The following ADAMTS2 variants were observed in gnomAD, a reference collection of about 807,000 sequenced individuals.
The protein encoded by ADAMTS2 is A disintegrin and metalloproteinase with thrombospondin motifs 2.
In ADAMTS2, 50 loss-of-function variants were observed where a neutral mutation model predicts 123.0. That is an observed-to-expected ratio of 0.41 (90% CI 0.32 to 0.51). The LOEUF is 0.51. Ranked by LOEUF, ADAMTS2 falls within the 20% of genes least tolerant of loss-of-function variation. The pLI is 0.35. For missense variants in ADAMTS2, 1,494 were observed against 1,705.2 expected, an observed-to-expected ratio of 0.88 and a Z score of 2.18; for synonymous variants, 678 against 695.4, an observed-to-expected ratio of 0.98 and a Z score of 0.39.
intron 12 of ADAMTS2, 62 bp downstream of exon 12, chr5:179,137,707 C>CCCCCA: frequency 6.7e-7 from 1 of 1,495,744 alleles, no homozygotes. Flanking sequence ...CACAAGCCCC[C>CCCCCA]ACCCTGCCCA....
intron 3 of ADAMTS2, among the ~76,000 whole-genome samples, chr5:179,208,117 T>TGCCTGACG (rs1239957024): frequency 6.7e-6 from 1 of 149,890 alleles, no homozygotes; most frequent in Non-Finnish European, 1.5e-5. Flanking sequence ...CAGCCCGCAC[T>TGCCTGACG]GCCTGACGCT....
intron 2 of ADAMTS2, among the ~76,000 whole-genome samples, chr5:179,327,980 A>C (rs1162403949): frequency 6.6e-6 from 1 of 152,240 alleles, no homozygotes; most frequent in Non-Finnish European, 1.5e-5. Flanking sequence ...AGAAACTCAT[A>C]TATCTGGGAA....
intron 4 of ADAMTS2, among the ~76,000 whole-genome samples, chr5:179,195,529 G>A (rs1224190684): frequency 3.3e-5 from 5 of 152,220 alleles, no homozygotes; most frequent in East Asian, 1.9e-4. Flanking sequence ...ATGGAAGAGC[G>A]AGCTGGCAGC....
At chr5:179,171,101 GT>G (rs2113292144) in intron 5 of ADAMTS2, among the ~76,000 whole-genome samples, 1 of 152,294 alleles carries the variant, frequency 6.6e-6, no homozygotes, top group Admixed American at 6.5e-5. Context: ...GGATACCTCG[GT>G]TTTTGTCACA....
chr5:179,246,618 C>T (rs1002293524), intron 3 of ADAMTS2, among the ~76,000 whole-genome samples: 1 of 152,158 alleles, frequency 6.6e-6, no homozygotes, highest in African/African-American at 2.4e-5. Context: ...AAGTTTTCAC[C>T]TCTGGCTGAC....
In ADAMTS2 at chr5:179,212,695, G is replaced by A. The variant is rs879121696; in HGVS notation, c.689-4980C>T. 1.4e-3 allele frequency among the ~76,000 whole-genome samples: 160 copies of A among 110,542 alleles called. 3 individuals are homozygous for A. The highest frequency in any genetic ancestry group is 5.1e-3 in the African/African-American group (147 of 28,934). 72.5% of individuals were successfully genotyped at this position (110,542 alleles called of 152,430 possible). A position where few individuals can be genotyped will look rare whatever the true frequency, so the allele number is the denominator to read the frequency against. ...GTGGGCAGGTGTGGGCCCTGAGGGC[G>A]GGTGCAGTGGGCAGGTGTGGGCCCT... On this transcript the variant is annotated intron_variant, in intron 3 of 21. Transcript: ENST00000251582.
In ADAMTS2 at chr5:179,130,330, C is replaced by A. The variant is rs180926117; in HGVS notation, c.2291-232G>T. On this transcript the variant is annotated intron_variant, in intron 15 of 21. Transcript: ENST00000251582. This position sits in a 1 kb window ranked among gnomAD's most constrained non-coding sequence, Gnocchi z 4.3. ...CCTCCACTCGCATCCTCTGCCCCCA[C>A]CAGCCCTGGAGGTGCCGGCTCCCCT... 5.3e-5 allele frequency among the ~76,000 whole-genome samples: 8 copies of A among 152,318 alleles called. No homozygotes were observed. The highest frequency in any genetic ancestry group is 1.7e-4 in the African/African-American group (7 of 41,588).
rs561802029 is a variant in ADAMTS2 at position 179,122,924 on chromosome 5, C to G, written c.2959-151G>C. On this transcript the variant is annotated intron_variant, in intron 19 of 21. Coordinates refer to ENST00000251582, the MANE Select transcript of ADAMTS2 (RefSeq NM_014244.5). ...GAGAGTGGGGTTTCAGGTTGCCTTG[C>G]CCCACCCTCGGGGGCAGCCCCAATC... is the stretch of plus-strand genomic sequence containing the variant. 54 of 1,222,926 alleles carry G rather than the reference C, an allele frequency of 4.4e-5. 1 individual carries two copies. The South Asian group carries it at 5.7e-4, about 13-fold the overall frequency. 75.8% of individuals were successfully genotyped at this position (1,222,926 alleles called of 1,614,324 possible). A position where few individuals can be genotyped will look rare whatever the true frequency, so the allele number is the denominator to read the frequency against.
At chr5:179,333,598 T>TTTTA (rs1330186250) in intron 2 of ADAMTS2, among the ~76,000 whole-genome samples, 2 of 107,804 alleles carry the variant, frequency 1.9e-5, no homozygotes, top group Non-Finnish European at 4.1e-5. Flanking sequence ...TTTTTTCTGT[T>TTTTA]TTTTTTTTTT....
chr5:179,135,179 C>T (rs573889205), intron 13 of ADAMTS2, among the ~76,000 whole-genome samples: 6 of 152,046 alleles, frequency 3.9e-5, no homozygotes, highest in African/African-American at 1.2e-4. Context: ...CTCCAGCTCC[C>T]GGCTCCAGCC....
chr5:179,252,509 CTAT>C (rs1198129370), intron 3 of ADAMTS2, among the ~76,000 whole-genome samples: 1 of 152,094 alleles, frequency 6.6e-6, no homozygotes, highest in Non-Finnish European at 1.5e-5. Flanking sequence ...TGAAGTTCCA[CTAT>C]TATTTCTTCT....
At chr5:179,328,243 A>T (rs1757365920) in intron 2 of ADAMTS2, among the ~76,000 whole-genome samples, 1 of 152,244 alleles carries the variant, frequency 6.6e-6, no homozygotes, top group Non-Finnish European at 1.5e-5. Flanking sequence ...CGTGTTAGCC[A>T]GGATGGTCTC....
chr5:179,157,996 G>A (rs926506903), intron 6 of ADAMTS2, among the ~76,000 whole-genome samples: 2 of 150,836 alleles, frequency 1.3e-5, no homozygotes, highest in Non-Finnish European at 2.9e-5. Context: ...ACAGAGTCTC[G>A]CACTGTCTCC....
In ADAMTS2 at chr5:179,215,567, T is replaced by C. The variant is rs139654724; in HGVS notation, c.689-7852A>G. ...GATTTGGCTCCTTTCTAGAATCCCATTAAAAGTTCAGTAAAGAAATTTAAA... is the reference window on the plus strand; with the variant it reads ...GATTTGGCTCCTTTCTAGAATCCCACTAAAAGTTCAGTAAAGAAATTTAAA... On this transcript the variant is annotated intron_variant, in intron 3 of 21. Coordinates refer to ENST00000251582, the MANE Select transcript of ADAMTS2 (RefSeq NM_014244.5). Among the ~76,000 whole-genome samples, 21 of 152,162 alleles carry C rather than the reference T, an allele frequency of 1.4e-4. No homozygotes were observed. The South Asian group carries it at 2.7e-3, about 20-fold the overall frequency.
At chr5:179,264,613 AT>A (rs1353114930) in intron 3 of ADAMTS2, among the ~76,000 whole-genome samples, 2 of 152,348 alleles carry the variant, frequency 1.3e-5, no homozygotes, top group East Asian at 3.9e-4. Flanking sequence ...TTTGGAGGAC[AT>A]TCCCAACACA....
Position 179,127,941 on chromosome 5 carries a change from G to C in ADAMTS2, c.2617+18C>G. ...CACCCTCATGTCACCCAGGTCCCCA[G>C]CTTCGAGACCCCCTCACCTCCGCCA... On this transcript the variant is annotated intron_variant, in intron 17 of 21. Transcript: ENST00000251582. The C allele has an allele frequency of 6.2e-7, 1 of 1,613,058 alleles. No individual in the cohort carries two copies. The highest frequency in any genetic ancestry group is 1.1e-5 in the South Asian group (1 of 91,062).
intron 4 of ADAMTS2, among the ~76,000 whole-genome samples, chr5:179,187,750 A>C (rs895367976): frequency 6.6e-6 from 1 of 152,182 alleles, no homozygotes; most frequent in Non-Finnish European, 1.5e-5. Context: ...TGATCCTGGA[A>C]TCTTTAAACC....
At chr5:179,184,234 C>A (rs1419696793) in intron 4 of ADAMTS2, among the ~76,000 whole-genome samples, 1 of 152,102 alleles carries the variant, frequency 6.6e-6, no homozygotes, top group Non-Finnish European at 1.5e-5. Context: ...AAGCCCTGGC[C>A]AGGCGCAGTG....
At chr5:179,321,592 C>T (rs1174606705) in intron 2 of ADAMTS2, among the ~76,000 whole-genome samples, 1 of 152,148 alleles carries the variant, frequency 6.6e-6, no homozygotes, top group Non-Finnish European at 1.5e-5. Context: ...GGCCAAGGAG[C>T]ACTTCCTTCC....
Sources: gnomAD v4.1 joint callset for allele counts (sites outside exome capture counted in the v4.1 genomes callset) on GRCh38, gnomAD v4.1.1 for gene constraint, Gnocchi (gnomAD v3.1) non-coding constraint, MANE v1.5 for transcripts, NCBI Gene and HGNC (gene_info 2026-07-23, HGNC 2026-07-21) for gene names.